Variants in BABAM2 observed in about 807,000 individuals in gnomAD.
BABAM2 encodes BRISC and BRCA1 A complex member 2, also known as BRISC and BRCA1-A complex member 2.
A neutral mutation model predicts 54.7 loss-of-function variants in BABAM2; 31 were observed. The observed-to-expected ratio is 0.57, with a 90% CI of 0.43 to 0.77. The LOEUF (loss-of-function observed/expected upper bound fraction) is 0.77. Ranked by LOEUF, BABAM2 falls within the 30% of genes least tolerant of loss-of-function variation. The pLI is 0.00. For synonymous variants in BABAM2, 167 were observed against 162.9 expected (o/e 1.03, Z -0.19); for missense variants, 364 against 455.8 (o/e 0.80, Z 1.83).
chr2:27,955,915 T>A (rs770001918), intron 3 of BABAM2, among the ~76,000 whole-genome samples: 1 of 152,140 alleles, frequency 6.6e-6, no homozygotes, highest in Admixed American at 6.5e-5. Context: ...ACCTATGTTG[T>A]GAGATTTAGA....
chr2:27,941,712 AT>A (rs781232811), intron 3 of BABAM2, among the ~76,000 whole-genome samples: 1 of 152,208 alleles, frequency 6.6e-6, no homozygotes, highest in Non-Finnish European at 1.5e-5. Context: ...TCAGAAAAAA[AT>A]CAATTGTGAT....
At chr2:27,930,092 A>G in intron 3 of BABAM2, 184 bp downstream of exon 3, 1 of 561,450 alleles carries the variant, frequency 1.8e-6, no homozygotes. Context: ...GTTGGCAGGG[A>G]ATACGTTGTG....
At chr2:27,979,849 G>A (rs1214924495) in intron 3 of BABAM2, among the ~76,000 whole-genome samples, 1 of 152,172 alleles carries the variant, frequency 6.6e-6, no homozygotes, top group Non-Finnish European at 1.5e-5. Context: ...TGGACAGGCT[G>A]TGTTCCTTCT....
At chr2:27,978,785 C>G (rs539571532) in intron 3 of BABAM2, among the ~76,000 whole-genome samples, 3 of 152,092 alleles carry the variant, frequency 2.0e-5, no homozygotes, top group East Asian at 1.9e-4. Context: ...GACCATCACC[C>G]TCCTCTCACC....
At chr2:28,057,193 A>G (rs1275754782) in intron 6 of BABAM2, among the ~76,000 whole-genome samples, 2 of 152,198 alleles carry the variant, frequency 1.3e-5, no homozygotes, top group African/African-American at 4.8e-5. Flanking sequence ...ACAAAACTCC[A>G]GGGAGGGTTG....
At chr2:28,010,022 C>A (rs1439733955) in intron 4 of BABAM2, among the ~76,000 whole-genome samples, 2 of 152,118 alleles carry the variant, frequency 1.3e-5, no homozygotes, top group Admixed American at 6.5e-5. Flanking sequence ...AAGCTCAGTG[C>A]TAAAGAAGGA....
intron 10 of BABAM2, among the ~76,000 whole-genome samples, chr2:28,273,385 G>GTTCCACT (rs1685600284): frequency 6.6e-6 from 1 of 152,156 alleles, no homozygotes; most frequent in East Asian, 1.9e-4. Flanking sequence ...ATCTGAAAGG[G>GTTCCACT]GTTAGGGAGG....
rs1167717410 is a variant in BABAM2, at chr2:27,902,924, TGA to T, written c.128+8261_128+8262del. 3.8e-3 allele frequency among the ~76,000 whole-genome samples: 574 copies of T among 149,914 alleles called. 1 individual carries two copies. The highest frequency in any genetic ancestry group is 0.012 in the African/African-American group (506 of 40,790). ...GTGTGTTTGTGTGTGTGTGTGTGTG[TGA>T]GAGAGAGAGAGAGAGAGAGAAAGAG... On this transcript the variant is annotated intron_variant, in intron 2 of 11. Transcript: ENST00000379624.
intron 11 of BABAM2, among the ~76,000 whole-genome samples, chr2:28,303,010 A>G (rs1025227643): frequency 4.0e-5 from 6 of 151,616 alleles, no homozygotes; most frequent in African/African-American, 1.2e-4. Flanking sequence ...GTGGCTTGCC[A>G]TTTCATTTTC....
intron 6 of BABAM2, among the ~76,000 whole-genome samples, chr2:28,091,378 G>C (rs1666143223): frequency 6.6e-6 from 1 of 152,182 alleles, no homozygotes. Flanking sequence ...GGTGTGGGAT[G>C]AGGAGAGTAG....
At chr2:28,112,825 T>C (rs1234618411) in intron 6 of BABAM2, among the ~76,000 whole-genome samples, 1 of 152,144 alleles carries the variant, frequency 6.6e-6, no homozygotes, top group Non-Finnish European at 1.5e-5. Context: ...CTCTCAACAG[T>C]GTAAAAGTGT....
intron 6 of BABAM2, among the ~76,000 whole-genome samples, chr2:28,088,234 A>AC (rs1296452897): frequency 2.6e-5 from 4 of 152,172 alleles, no homozygotes; most frequent in Non-Finnish European, 5.9e-5. Flanking sequence ...TACTCAGAAA[A>AC]CAAGTGTGTA....
At chr2:28,288,853 G>A (rs1687040496) in intron 10 of BABAM2, among the ~76,000 whole-genome samples, 1 of 151,940 alleles carries the variant, frequency 6.6e-6, no homozygotes. Flanking sequence ...GTCTTAGCAT[G>A]CTCAACTGAA....
intron 3 of BABAM2, among the ~76,000 whole-genome samples, chr2:27,945,019 G>A (rs890096805): frequency 2.7e-5 from 4 of 150,614 alleles, no homozygotes; most frequent in African/African-American, 9.8e-5. Flanking sequence ...TTTAAAGACA[G>A]GGTCTCACTT....
At chr2:28,079,085 A>T (rs1053646143) in intron 6 of BABAM2, among the ~76,000 whole-genome samples, 1 of 152,188 alleles carries the variant, frequency 6.6e-6, no homozygotes, top group South Asian at 2.1e-4. Context: ...TTCTTTAGCA[A>T]CTTATTTTCT....
intron 3 of BABAM2, among the ~76,000 whole-genome samples, chr2:27,958,543 T>A (rs1235063508): frequency 6.7e-6 from 1 of 150,056 alleles, no homozygotes; most frequent in Non-Finnish European, 1.5e-5. Flanking sequence ...AACTTATATA[T>A]GTTTATATAT....
At chr2:28,190,664 G>T (rs922470237) in intron 7 of BABAM2, among the ~76,000 whole-genome samples, 2 of 152,218 alleles carry the variant, frequency 1.3e-5, no homozygotes, top group Non-Finnish European at 2.9e-5. Flanking sequence ...TCCAGCCTGG[G>T]CAACAAGGCA....
rs1335498422 is a variant in BABAM2 at position 28,005,815 on chromosome 2, T to A, written c.300+17728T>A. 2.0e-5 allele frequency among the ~76,000 whole-genome samples: 3 copies of A among 152,262 alleles called. No homozygotes were observed. In the East Asian group the frequency reaches 5.8e-4, roughly 29 times the overall value. ...ATAATTGCCACGTCATAATCTTGTTTCATCTATACTCCTATTCACTTACTG... is the reference window on the plus strand; with the variant it reads ...ATAATTGCCACGTCATAATCTTGTTACATCTATACTCCTATTCACTTACTG... On this transcript the variant is annotated intron_variant, in intron 4 of 11. Coordinates refer to ENST00000379624, the MANE Select transcript of BABAM2 (RefSeq NM_199191.3).
rs1320580361 is a variant in BABAM2, at chr2:27,891,000, C to T, written c.-25+158C>T. On this transcript the variant is annotated intron_variant, in intron 1 of 11. Coordinates refer to ENST00000379624, the MANE Select transcript of BABAM2 (RefSeq NM_199191.3). The surrounding 1 kb of genome is among the most constrained non-coding windows in gnomAD (Gnocchi z 4.8). ...CTTCTCATCCCCATCACGCTGATTC[C>T]CTCAAGAACGAGCCCCCAAGGCCAG... 4 of 152,564 alleles carry T rather than the reference C, an allele frequency of 2.6e-5. No individual in the cohort carries two copies. The highest frequency in any genetic ancestry group is 4.4e-5 in the Non-Finnish European group (3 of 68,112). 9.5% of individuals were successfully genotyped at this position (152,564 alleles called of 1,614,324 possible). A position where few individuals can be genotyped will look rare whatever the true frequency, so the allele number is the denominator to read the frequency against.
Sources: gnomAD v4.1 joint callset for allele counts (sites outside exome capture counted in the v4.1 genomes callset) on GRCh38, gnomAD v4.1.1 for gene constraint, Gnocchi (gnomAD v3.1) non-coding constraint, MANE v1.5 for transcripts, NCBI Gene and HGNC (gene_info 2026-07-23, HGNC 2026-07-21) for gene names.